MYO1H: variants seen among roughly 807,000 people sequenced by gnomAD.
The protein encoded by MYO1H is myosin IH, also known as unconventional myosin-Ih.
MYO1H carries 118 observed loss-of-function variants against 149.3 expected under a neutral mutation model. The observed-to-expected ratio is 0.79, with a 90% CI of 0.68 to 0.92. The LOEUF is 0.92. Ranked by LOEUF, MYO1H falls within the 40% of genes least tolerant of loss-of-function variation. MYO1H has a pLI of 0.00. For missense variants in MYO1H, 1,212 were observed against 1,280.7 expected (o/e 0.95, Z 0.82); for synonymous variants, 447 against 465.2 (o/e 0.96, Z 0.50).
At chr12:109,328,709 CAG>C in the MYO1H span, among the ~76,000 whole-genome samples, 4 of 152,054 alleles carry the variant, frequency 2.6e-5, no homozygotes, top group African/African-American at 7.2e-5. Context: ...TCCTGTTTTG[CAG>C]AGACATATCT....
the MYO1H span, among the ~76,000 whole-genome samples, chr12:109,323,239 TAC>T: frequency 2.6e-5 from 4 of 152,250 alleles, no homozygotes; most frequent in South Asian, 8.3e-4. Flanking sequence ...CTAGATCTTT[TAC>T]AGTTTTCTCC....
intron 7 of MYO1H, among the ~76,000 whole-genome samples, chr12:109,404,284 C>A (rs1036828881): frequency 6.6e-6 from 1 of 152,114 alleles, no homozygotes. Flanking sequence ...TTAAGACCAG[C>A]CTGGCCAACA....
intron 24 of MYO1H, 27 bp downstream of exon 24, chr12:109,439,817 G>T (rs767931816): frequency 8.9e-5 from 142 of 1,602,988 alleles, no homozygotes; most frequent in Non-Finnish European, 1.2e-4. Context: ...GATTTCCAGT[G>T]TTGTAAGTAG....
intron 24 of MYO1H, 164 bp from the exon 25 acceptor site, chr12:109,440,580 G>A: frequency 6.7e-6 from 4 of 597,094 alleles, no homozygotes; most frequent in Middle Eastern, 3.1e-4. Context: ...AAAAAGTTGG[G>A]AGAGGATCAG....
chr12:109,447,165 G>A (rs1480938331), exon 32 of MYO1H: 6 of 1,599,318 alleles, frequency 3.8e-6, no homozygotes, highest in Non-Finnish European at 5.1e-6. Context: ...CCAGGTGTCA[G>A]TCCGGAGGAA....
intron 1 of MYO1H, among the ~76,000 whole-genome samples, chr12:109,374,275 T>A (rs1869047635): frequency 6.6e-6 from 1 of 152,200 alleles, no homozygotes; most frequent in Non-Finnish European, 1.5e-5. Flanking sequence ...GGAGTCAGGC[T>A]GTTTAGTGTC....
Position 109,427,828 on chromosome 12 carries a change from T to G in MYO1H, c.1949+242T>G, listed in dbSNP as rs184956937. On this transcript the variant is annotated intron_variant, in intron 19 of 31. Transcript: ENST00000310903. ...GGGAGGCCGAGGTGGGAGGATTGCT[T>G]GAGGCCAGGAGTTCGAGACCGTCCT... Among the ~76,000 whole-genome samples the G allele has an allele frequency of 1.0e-4, 13 of 129,886 alleles. No homozygotes were observed. In the East Asian group the frequency reaches 3.1e-3, roughly 31 times the overall value. 85.2% of individuals were successfully genotyped at this position (129,886 alleles called of 152,430 possible). A position where few individuals can be genotyped will look rare whatever the true frequency, so the allele number is the denominator to read the frequency against.
At chr12:109,318,973 T>G in the MYO1H span, among the ~76,000 whole-genome samples, 4 of 80,298 alleles carry the variant, frequency 5.0e-5, 1 homozygote, top group Non-Finnish European at 9.3e-5. Context: ...TTTGGTTTTG[T>G]TTTTTTTTTT....
At chr12:109,421,818 TTGC>T (rs1027190223) in intron 16 of MYO1H, among the ~76,000 whole-genome samples, 2 of 152,094 alleles carry the variant, frequency 1.3e-5, no homozygotes, top group Admixed American at 6.6e-5. Context: ...CTGAGAAGTG[TTGC>T]TGCTGCTGCT....
chr12:109,318,230 A>C, the MYO1H span, among the ~76,000 whole-genome samples: 23 of 152,226 alleles, frequency 1.5e-4, no homozygotes, highest in Admixed American at 1.4e-3. Context: ...TTAGAATCCC[A>C]ATGTAACCAT....
chr12:109,418,429 AC>A, intron 15 of MYO1H, among the ~76,000 whole-genome samples: 1 of 151,888 alleles, frequency 6.6e-6, no homozygotes, highest in Non-Finnish European at 1.5e-5. Context: ...GCCCACTGCA[AC>A]CTCTGCCTCC....
In MYO1H at chr12:109,435,114, G is replaced by T. The variant is rs749628391; in HGVS notation, c.2140+1G>T. On this transcript the variant is annotated splice_donor_variant, in intron 21 of 31. Transcript: ENST00000310903. LOFTEE classifies it high-confidence loss of function. Reference sequence around the variant, plus strand: ...TTTGAATTTAGTAAACATCAACTAGGTATGATTTCTTTTTCTGTCCCGATT... The same window carrying T: ...TTTGAATTTAGTAAACATCAACTAGTTATGATTTCTTTTTCTGTCCCGATT... 74 of 1,586,204 alleles carry T rather than the reference G, an allele frequency of 4.7e-5. No individual in the cohort carries two copies. In the South Asian group the frequency reaches 5.5e-4, roughly 12 times the overall value.
At chr12:109,389,544 C>G (rs1265028381) in intron 2 of MYO1H, among the ~76,000 whole-genome samples, 1 of 152,176 alleles carries the variant, frequency 6.6e-6, no homozygotes, top group Non-Finnish European at 1.5e-5. Context: ...CCACACCCCA[C>G]GAATGGTCAA....
exon 32 of MYO1H, chr12:109,447,368 A>T: frequency 1.6e-6 from 1 of 629,268 alleles, no homozygotes; most frequent in South Asian, 1.9e-5. Flanking sequence ...CAGCTGCCCC[A>T]TGGCACCTTA....
rs1157052327 is a variant in MYO1H at position 109,393,325 on chromosome 12, C to T, written c.175-6C>T. On this transcript the variant is annotated splice_polypyrimidine_tract_variant and splice_region_variant and intron_variant, in intron 2 of 31. Transcript: ENST00000310903. ...TCCTCACTTGTGCTTTGGTCCATTT[C>T]TCTAGACATATATTGGCACCCTCCT... The T allele has an allele frequency of 6.4e-7, 1 of 1,550,898 alleles. No individual in the cohort carries two copies. Among genetic ancestry groups the T allele is most frequent in the South Asian group, 1.2e-5 (1 of 84,622 alleles).
the MYO1H span, among the ~76,000 whole-genome samples, chr12:109,325,155 A>G: frequency 1.3e-5 from 2 of 152,176 alleles, no homozygotes; most frequent in Non-Finnish European, 2.9e-5. Flanking sequence ...AGTCATTGCT[A>G]TTGTAAACAG....
chr12:109,310,694 T>A, the MYO1H span, among the ~76,000 whole-genome samples: 1 of 152,172 alleles, frequency 6.6e-6, no homozygotes, highest in East Asian at 1.9e-4. Context: ...TTTCAAGTTC[T>A]ATTCAGGTGG....
chr12:109,385,703 G>A (rs1329583877), intron 1 of MYO1H, among the ~76,000 whole-genome samples: 1 of 152,020 alleles, frequency 6.6e-6, no homozygotes, highest in Non-Finnish European at 1.5e-5. Flanking sequence ...ACATCTGGTG[G>A]CCATTCTGTT....
intron 16 of MYO1H, among the ~76,000 whole-genome samples, chr12:109,423,542 T>C (rs955359310): frequency 2.0e-5 from 3 of 152,204 alleles, no homozygotes; most frequent in Non-Finnish European, 4.4e-5. Flanking sequence ...CCTGAACTCT[T>C]TTCATCTTGC....
Sources: gnomAD v4.1 joint callset for allele counts (sites outside exome capture counted in the v4.1 genomes callset) on GRCh38, gnomAD v4.1.1 for gene constraint, MANE v1.5 for transcripts, NCBI Gene and HGNC (gene_info 2026-07-23, HGNC 2026-07-21) for gene names.